Variants in PDE10A observed in about 807,000 individuals in gnomAD.
PDE10A encodes phosphodiesterase 10A, also known as cAMP and cAMP-inhibited cGMP 3',5'-cyclic phosphodiesterase 10A.
PDE10A carries 39 observed loss-of-function variants against 97.7 expected under a neutral mutation model. The ratio of observed to expected loss-of-function variants is 0.40; its 90% CI spans 0.31 to 0.52. The LOEUF is 0.52. PDE10A is among the 20% of genes least tolerant of loss of function. The pLI is 0.56. For missense variants in PDE10A, 731 were observed against 1,047.8 expected (o/e 0.70, Z 4.17); for synonymous variants, 371 against 376.8 (o/e 0.98, Z 0.18).
intron 1 of PDE10A, among the ~76,000 whole-genome samples, chr6:165,549,421 T>C (rs1393550593): frequency 6.6e-6 from 1 of 152,036 alleles, no homozygotes; most frequent in Non-Finnish European, 1.5e-5. Flanking sequence ...GCCTCCTGGG[T>C]TTAAGGGAGT....
At chr6:165,589,312 A>T in intron 1 of PDE10A, among the ~76,000 whole-genome samples, 1 of 152,188 alleles carries the variant, frequency 6.6e-6, no homozygotes, top group Non-Finnish European at 1.5e-5. Context: ...AGCACTCAGC[A>T]TGGATGGCCT....
chr6:165,929,898 C>A (rs574767071), intron 1 of PDE10A, among the ~76,000 whole-genome samples: 1 of 151,840 alleles, frequency 6.6e-6, no homozygotes, highest in African/African-American at 2.4e-5. Context: ...CCCTAATGAC[C>A]GGGCACATAT....
At chr6:165,620,452 G>A (rs1788073297) in intron 1 of PDE10A, among the ~76,000 whole-genome samples, 1 of 152,160 alleles carries the variant, frequency 6.6e-6, no homozygotes, top group Non-Finnish European at 1.5e-5. Flanking sequence ...AGCATACCAG[G>A]GAATCTGCAG....
intron 1 of PDE10A, among the ~76,000 whole-genome samples, chr6:165,928,693 G>A (rs1033065891): frequency 3.4e-5 from 5 of 146,616 alleles, no homozygotes; most frequent in Admixed American, 7.0e-5. Flanking sequence ...GCTGGTGGCC[G>A]ACGTCTGGAG....
chr6:165,618,873 G>A (rs1367530771), intron 1 of PDE10A, among the ~76,000 whole-genome samples: 2 of 152,162 alleles, frequency 1.3e-5, no homozygotes, highest in African/African-American at 4.8e-5. Context: ...TACTAAAAGA[G>A]CCCTAGGAGC....
chr6:165,943,524 C>A (rs62428069), intron 1 of PDE10A, among the ~76,000 whole-genome samples: 4 of 152,076 alleles, frequency 2.6e-5, no homozygotes, highest in Non-Finnish European at 5.9e-5. Flanking sequence ...GGCCTGAGAA[C>A]CTGGGAAGCC....
chr6:165,735,561 G>T (rs1168558134), intron 1 of PDE10A, among the ~76,000 whole-genome samples: 3 of 152,108 alleles, frequency 2.0e-5, no homozygotes, highest in Non-Finnish European at 4.4e-5. Context: ...CTATAGAAAT[G>T]ATGTCCCTGT....
chr6:165,594,164 G>C (rs942444790), intron 1 of PDE10A, among the ~76,000 whole-genome samples: 5 of 152,140 alleles, frequency 3.3e-5, no homozygotes, highest in African/African-American at 1.2e-4. Context: ...CTAGTGCTCA[G>C]GTCTTGGCTA....
intron 2 of PDE10A, among the ~76,000 whole-genome samples, chr6:165,510,417 A>G (rs1432971161): frequency 6.6e-6 from 1 of 151,904 alleles, no homozygotes; most frequent in Non-Finnish European, 1.5e-5. Context: ...TGTGCTGTCA[A>G]ATTTAGTTTG....
At chr6:165,335,441 T>A (rs1486333401) in intron 21 of PDE10A, among the ~76,000 whole-genome samples, 2 of 152,164 alleles carry the variant, frequency 1.3e-5, no homozygotes, top group Admixed American at 6.5e-5. Context: ...TTCTTCCTCC[T>A]TTTTGGTGTA....
intron 1 of PDE10A, among the ~76,000 whole-genome samples, chr6:165,844,063 G>A (rs1034666499): frequency 1.2e-4 from 19 of 152,308 alleles, no homozygotes; most frequent in Admixed American, 5.2e-4. Context: ...GGAGGCAGGT[G>A]TGGGGTACCT....
intron 1 of PDE10A, among the ~76,000 whole-genome samples, chr6:165,606,297 T>C (rs1262144066): frequency 6.6e-6 from 1 of 152,028 alleles, no homozygotes; most frequent in East Asian, 1.9e-4. Context: ...CAGGGCTAAG[T>C]GTTGCTGAGA....
chr6:165,581,204 A>G (rs1299508391), intron 1 of PDE10A, among the ~76,000 whole-genome samples: 2 of 152,196 alleles, frequency 1.3e-5, no homozygotes, highest in Non-Finnish European at 2.9e-5. Flanking sequence ...ACTTTAGACC[A>G]TTTAATACTA....
At chr6:165,442,826 G>T (rs1037644666) in intron 5 of PDE10A, among the ~76,000 whole-genome samples, 2 of 152,090 alleles carry the variant, frequency 1.3e-5, no homozygotes, top group Admixed American at 1.3e-4. Flanking sequence ...TAACTTGAAA[G>T]TCCAAGTCTA....
At chr6:165,828,518 A>G (rs537491298) in intron 1 of PDE10A, among the ~76,000 whole-genome samples, 1 of 152,364 alleles carries the variant, frequency 6.6e-6, no homozygotes, top group South Asian at 2.1e-4. Context: ...GTGCTTATTC[A>G]TGTGTACTCA....
chr6:165,686,611 A>G (rs2128440711), intron 1 of PDE10A, among the ~76,000 whole-genome samples: 1 of 152,356 alleles, frequency 6.6e-6, no homozygotes, highest in Non-Finnish European at 1.5e-5. Flanking sequence ...AAAGAACCAC[A>G]AGGCCATAAG....
chr6:165,847,433 G>C (rs1013648030), intron 1 of PDE10A, among the ~76,000 whole-genome samples: 1 of 152,250 alleles, frequency 6.6e-6, no homozygotes. Flanking sequence ...ACAGGACACA[G>C]ACAACGCTTC....
At chr6:165,358,804 A>AT (rs1783200565) in intron 18 of PDE10A, among the ~76,000 whole-genome samples, 1 of 151,704 alleles carries the variant, frequency 6.6e-6, no homozygotes, top group Non-Finnish European at 1.5e-5. Flanking sequence ...ACTATTCAAT[A>AT]TTTTTGTCTA....
intron 1 of PDE10A, among the ~76,000 whole-genome samples, chr6:165,783,593 C>CACAA (rs10625848): frequency 0.77 from 117,087 of 151,934 alleles, 45,187 homozygotes; most frequent in Middle Eastern, 0.87. Flanking sequence ...GGAAACGAGT[C>CACAA]ACATAGAATG....
Sources: allele counts gnomAD v4.1 joint callset (sites outside exome capture counted in the v4.1 genomes callset), GRCh38; gene constraint gnomAD v4.1.1; transcripts MANE v1.5; gene names NCBI Gene and HGNC (gene_info 2026-07-23, HGNC 2026-07-21).